The following ZCRB1 variants were observed in gnomAD, a reference collection of about 807,000 sequenced individuals.
ZCRB1 encodes the protein zinc finger CCHC-type and RNA-binding motif-containing protein 1.
Under a neutral mutation model 29.9 loss-of-function variants are expected in ZCRB1, and 21 were observed. That is an observed-to-expected ratio of 0.70 (90% CI 0.50 to 1.01). ZCRB1 has a LOEUF of 1.01. Among genes scored for constraint, ZCRB1 ranks in the 50% least tolerant of loss-of-function variants. The pLI is 0.00. For synonymous variants in ZCRB1, 77 were observed against 80.0 expected (o/e 0.96, Z 0.20); for missense variants, 204 against 253.3 (o/e 0.81, Z 1.32).
chr12:42,312,493 A>T lies in ZCRB1; in HGVS notation c.*574T>A, dbSNP rs952334260. 1 of 152,198 alleles carries T rather than the reference A, an allele frequency of 6.6e-6. No individual in the cohort carries two copies. The allele number at this position is 152,198 out of a possible 1,614,324, so 9.4% of individuals were successfully genotyped here. ...TATTGAGGAAGGTAGGAGAAGTATA[A>T]GAGATTGAATAATTCTCCTTTATTC... On this transcript the variant is annotated 3_prime_UTR_variant, in exon 8 of 8. Coordinates refer to ENST00000266529, the MANE Select transcript of ZCRB1 (RefSeq NM_033114.4).
chr12:42,323,717 G>A (rs1483067711), intron 2 of ZCRB1: 55 of 272,530 alleles, frequency 2.0e-4, no homozygotes, highest in African/African-American at 7.0e-5. Context: ...CTGTCGCCTC[G>A]ACCTCCTAGG....
rs916361677 is a variant in ZCRB1 at position 42,324,170 on chromosome 12, C to T, written c.-2-66G>A. 21 of 1,458,898 alleles carry T rather than the reference C, an allele frequency of 1.4e-5. 1 individual carries two copies. Among genetic ancestry groups the T allele is most frequent in the African/African-American group, 5.6e-5 (4 of 71,600 alleles). The allele number at this position is 1,458,898 out of a possible 1,614,324, so 90.4% of individuals were successfully genotyped here. ...AGGATTCTTTTTTTGTTGTTTGAGA[C>T]GGAGTTTCCCTCTTGTTGCCCAGGC... On this transcript the variant is annotated intron_variant, in intron 1 of 7. Coordinates refer to ENST00000266529, the MANE Select transcript of ZCRB1 (RefSeq NM_033114.4).
At chr12:42,322,052 A>G (rs1225919720) in intron 3 of ZCRB1, among the ~76,000 whole-genome samples, 5 of 152,220 alleles carry the variant, frequency 3.3e-5, no homozygotes. Flanking sequence ...AAAAAACAAA[A>G]CAAAAAACCA....
chr12:42,318,626 A>G (rs1057236268), intron 3 of ZCRB1, among the ~76,000 whole-genome samples: 2 of 152,194 alleles, frequency 1.3e-5, no homozygotes, highest in African/African-American at 4.8e-5. Flanking sequence ...CATTTAACAT[A>G]GTTTAAAAAC....
chr12:42,315,773 CCTTT>C (rs758941388), intron 5 of ZCRB1, among the ~76,000 whole-genome samples: 52 of 152,176 alleles, frequency 3.4e-4, no homozygotes, highest in East Asian at 2.3e-3. Flanking sequence ...TCCCTCCCTC[CCTTT>C]CTTTCTTTTA....
intron 3 of ZCRB1, among the ~76,000 whole-genome samples, chr12:42,321,053 A>G (rs2068618920): frequency 6.6e-6 from 1 of 152,032 alleles, no homozygotes; most frequent in Non-Finnish European, 1.5e-5. Flanking sequence ...TATTCCCTCT[A>G]CCTGAAATAT....
chr12:42,320,962 A>T (rs1416190079), intron 3 of ZCRB1, among the ~76,000 whole-genome samples: 3 of 151,676 alleles, frequency 2.0e-5, no homozygotes, highest in Non-Finnish European at 4.4e-5. Context: ...CCCCTTACTC[A>T]CTCATCTCCA....
At chr12:42,319,131 T>G (rs975231482) in intron 3 of ZCRB1, among the ~76,000 whole-genome samples, 3 of 152,158 alleles carry the variant, frequency 2.0e-5, no homozygotes, top group African/African-American at 4.8e-5. Context: ...TCTTTTTTTT[T>G]AAAGTAGTAT....
chr12:42,324,218 G>C, intron 1 of ZCRB1, 114 bp from the exon 2 acceptor site: 2 of 836,890 alleles, frequency 2.4e-6, no homozygotes, highest in Non-Finnish European at 2.0e-6. Context: ...GCGTGATCTC[G>C]GCTCACTGCA....
intron 4 of ZCRB1, 45 bp from the exon 5 acceptor site, chr12:42,317,492 C>G: frequency 6.3e-6 from 9 of 1,418,570 alleles, no homozygotes; most frequent in Non-Finnish European, 8.7e-6. Context: ...TTCACTGAAA[C>G]CTAAAATTAA....
intron 2 of ZCRB1, 129 bp from the exon 3 acceptor site, chr12:42,322,575 G>A: frequency 2.0e-6 from 2 of 1,000,854 alleles, no homozygotes; most frequent in Non-Finnish European, 2.7e-6. Flanking sequence ...CTATAAGACA[G>A]GCCCTAGGAA....
At chr12:42,316,855 A>G (rs1193366871) in intron 5 of ZCRB1, among the ~76,000 whole-genome samples, 1 of 152,134 alleles carries the variant, frequency 6.6e-6, no homozygotes, top group Non-Finnish European at 1.5e-5. Flanking sequence ...GTATTACCCA[A>G]CTCAGGTTAT....
chr12:42,322,576 G>GC, intron 2 of ZCRB1, 130 bp from the exon 3 acceptor site: 1 of 994,334 alleles, frequency 1.0e-6, no homozygotes, highest in Non-Finnish European at 1.4e-6. Flanking sequence ...TATAAGACAG[G>GC]CCCTAGGAAA....
chr12:42,324,504 T>C (rs1161748734), intron 1 of ZCRB1, among the ~76,000 whole-genome samples: 1 of 152,162 alleles, frequency 6.6e-6, no homozygotes, highest in Non-Finnish European at 1.5e-5. Context: ...GTCTGGGTAT[T>C]ATTTGGAAAA....
chr12:42,317,804 C>T lies in ZCRB1; in HGVS notation c.208G>A (p.Ala70Thr), dbSNP rs138912646. 4.4e-3 allele frequency: 7,112 copies of T among 1,612,866 alleles called. 32 individuals are homozygous for T. Among genetic ancestry groups the T allele is most frequent in the Non-Finnish European group, 5.1e-3 (6,047 of 1,179,744 alleles). The stretch of plus-strand genomic sequence containing the variant: ...TAGCTTACCTGTTTGTTGTTTATTG[C>T]CCTGGTACAGTTTTGTGCAGAGTCT... ...DKDSAQNCTRAINNKQLFGRV... is the reference protein window; with the variant it reads ...DKDSAQNCTRTINNKQLFGRV... Residue 70 changes from alanine (A) to threonine (T), a missense_variant, in exon 4 of 8, where the codon GCA (alanine) becomes ACA (threonine). Ala to Thr is a moderately conservative substitution (Grantham distance 58, BLOSUM62 0). Coordinates refer to ENST00000266529, the MANE Select transcript of ZCRB1 (RefSeq NM_033114.4).
At chr12:42,319,849 T>TTCTAAAA (rs957506830) in intron 3 of ZCRB1, among the ~76,000 whole-genome samples, 14 of 152,228 alleles carry the variant, frequency 9.2e-5, no homozygotes, top group African/African-American at 3.4e-4. Context: ...GAAAAGTAGT[T>TTCTAAAA]TCTAAAAGAG....
At chr12:42,316,681 C>T (rs1362479685) in intron 5 of ZCRB1, among the ~76,000 whole-genome samples, 1 of 152,148 alleles carries the variant, frequency 6.6e-6, no homozygotes, top group Non-Finnish European at 1.5e-5. Context: ...GATAATGTTG[C>T]TATTGAACTG....
chr12:42,318,477 T>A (rs1012827461), intron 3 of ZCRB1, among the ~76,000 whole-genome samples: 2 of 151,972 alleles, frequency 1.3e-5, no homozygotes, highest in Non-Finnish European at 2.9e-5. Context: ...GGAAAAAGAA[T>A]CTCCAGTTCT....
rs545768346 is a variant in ZCRB1, at chr12:42,325,845, GA to G, written c.-3+78del. ...CTGGAATAAAAAGGGTGGCGGGAGA[GA>G]GGGGCAGAGCGTTTTGGCAGCCGAG... On this transcript the variant is annotated intron_variant, in intron 1 of 7. Coordinates refer to ENST00000266529, the MANE Select transcript of ZCRB1 (RefSeq NM_033114.4). The G allele has an allele frequency of 9.0e-4, 138 of 152,592 alleles. 2 individuals carry two copies. The highest frequency in any genetic ancestry group is 2.6e-4 in the Non-Finnish European group (18 of 68,190). 9.5% of individuals were successfully genotyped at this position (152,592 alleles called of 1,614,324 possible). A position where few individuals can be genotyped will look rare whatever the true frequency, so the allele number is the denominator to read the frequency against.
Sources: gnomAD v4.1 joint callset for allele counts (sites outside exome capture counted in the v4.1 genomes callset) on GRCh38, gnomAD v4.1.1 for gene constraint, MANE v1.5 for transcripts, NCBI Gene and HGNC (gene_info 2026-07-23, HGNC 2026-07-21) for gene names.